ICE1: variants seen among roughly 807,000 people sequenced by gnomAD.
ICE1 encodes the protein interactor of little elongation complex ELL subunit 1.
ICE1 carries 64 observed loss-of-function variants against 192.7 expected under a neutral mutation model. The ratio of observed to expected loss-of-function variants is 0.33; its 90% confidence interval spans 0.27 to 0.41. The LOEUF is 0.41. Among genes scored for constraint, ICE1 ranks in the 10% least tolerant of loss-of-function variants. The probability of loss-of-function intolerance (pLI) is 1.00; values close to 1 mark genes in which losing one functional copy is unlikely to be tolerated. For missense variants in ICE1, 2,708 were observed against 2,696.0 expected (o/e 1.00, Z -0.10); for synonymous variants, 1,010 against 984.5 (o/e 1.03, Z -0.49).
rs780767498 is a variant in ICE1, at chr5:5,463,816, G to A, written c.4482G>A (p.Glu1494=). 6.2e-7 allele frequency: 1 copy of A among 1,613,994 alleles called. No homozygotes were observed. Among genetic ancestry groups the A allele is most frequent in the Non-Finnish European group, 8.5e-7 (1 of 1,179,880 alleles). ...GCAATAATCTTTCATGTCCCCAAGA[G>A]GATGTTTCAAGCAGTGGTCAGAGCA... The part of the protein sequence containing the change: ...PCGNNLSCPQ[E]DVSSSGQSTN... The change falls in exon 13 of 19, where the codon GAG becomes GAA. Residue 1494 remains glutamate, a synonymous_variant. Coordinates refer to ENST00000296564, the MANE Select transcript of ICE1 (RefSeq NM_015325.3).
Position 5,435,516 on chromosome 5 carries a change from A to G in ICE1, c.85-902A>G, listed in dbSNP as rs542714612. On this transcript the variant is annotated intron_variant, in intron 1 of 18. Coordinates refer to ENST00000296564, the MANE Select transcript of ICE1 (RefSeq NM_015325.3). ...GTCCTTATTTCTGAAGTATTTAGTGATGGAAAAAGGAGACATTAAAGGAAA... is the reference window on the plus strand; with the variant it reads ...GTCCTTATTTCTGAAGTATTTAGTGGTGGAAAAAGGAGACATTAAAGGAAA... 3.9e-5 allele frequency among the ~76,000 whole-genome samples: 6 copies of G among 152,270 alleles called. No homozygotes were observed. The East Asian group carries it at 7.7e-4, about 20-fold the overall frequency.
rs1739719294 is a variant in ICE1, at chr5:5,489,156, A to G, written c.6627A>G (p.Pro2209=). Residue 2209 remains proline (P), a synonymous_variant, in exon 19 of 19, where the codon CCA becomes CCG. Coordinates refer to ENST00000296564, the MANE Select transcript of ICE1 (RefSeq NM_015325.3). The stretch of plus-strand genomic sequence containing the variant: ...TCTGAAATTTCTTTTCAGATATACC[A>G]TGGGGTATACAGTTAGCAGCCGTGT... The part of the protein sequence containing the change: ...FIQHAHDEDI[P]WGIQLAAVYA... 1 of 1,613,162 alleles carries G rather than the reference A, an allele frequency of 6.2e-7. No homozygotes were observed. The highest frequency in any genetic ancestry group is 8.5e-7 in the Non-Finnish European group (1 of 1,179,450).
intron 17 of ICE1, among the ~76,000 whole-genome samples, chr5:5,478,397 T>A (rs554116135): frequency 3.9e-4 from 59 of 152,236 alleles, no homozygotes; most frequent in African/African-American, 1.4e-3. Flanking sequence ...GTAATAAAAC[T>A]TACAAGGGAT....
chr5:5,447,677 A>C, intron 8 of ICE1, 44 bp from the exon 9 acceptor site: 1 of 1,520,134 alleles, frequency 6.6e-7, no homozygotes, highest in South Asian at 1.2e-5. Context: ...GAATGGCTGC[A>C]CTTCTTATTC....
intron 1 of ICE1, among the ~76,000 whole-genome samples, chr5:5,427,601 T>C (rs1737563810): frequency 6.6e-6 from 1 of 152,232 alleles, no homozygotes; most frequent in Admixed American, 6.5e-5. Context: ...GTCCATAAAC[T>C]TGTGCTGGAC....
intron 1 of ICE1, among the ~76,000 whole-genome samples, chr5:5,428,437 A>G (rs1737593978): frequency 1.3e-5 from 2 of 152,210 alleles, no homozygotes; most frequent in Admixed American, 1.3e-4. Context: ...CAGCAAAGCA[A>G]TAAATGTGAG....
intron 15 of ICE1, among the ~76,000 whole-genome samples, chr5:5,471,560 A>C (rs1287637487): frequency 6.6e-6 from 1 of 152,162 alleles, no homozygotes; most frequent in Non-Finnish European, 1.5e-5. Flanking sequence ...AGGAGATTTC[A>C]GTATGTATTC....
intron 1 of ICE1, among the ~76,000 whole-genome samples, chr5:5,432,619 A>T (rs1006166630): frequency 6.6e-6 from 1 of 152,130 alleles, no homozygotes; most frequent in Non-Finnish European, 1.5e-5. Flanking sequence ...GCCCCATTTT[A>T]TATTCCCACC....
In ICE1 at chr5:5,485,063, C is replaced by G. The variant is rs80265025; in HGVS notation, c.6521-1658C>G. ...GGGGGGAATGATGCCATCCTGCTTGCTTTAGCCTTTGGGGAATTTGGTTGC... is the reference window on the plus strand; with the variant it reads ...GGGGGGAATGATGCCATCCTGCTTGGTTTAGCCTTTGGGGAATTTGGTTGC... On this transcript the variant is annotated intron_variant, in intron 17 of 18. Coordinates refer to ENST00000296564, the MANE Select transcript of ICE1 (RefSeq NM_015325.3). 2.5e-3 allele frequency among the ~76,000 whole-genome samples: 383 copies of G among 151,992 alleles called. 1 individual carries two copies. Among genetic ancestry groups the G allele is most frequent in the African/African-American group, 9.0e-3 (371 of 41,428 alleles).
At chr5:5,444,706 G>T (rs780630383) in intron 7 of ICE1, among the ~76,000 whole-genome samples, 37 of 152,090 alleles carry the variant, frequency 2.4e-4, no homozygotes, top group Non-Finnish European at 4.4e-4. Context: ...TTAGTACCAA[G>T]AAACATGTAT....
Position 5,461,712 on chromosome 5 carries a change from A to C in ICE1, c.2378A>C (p.His793Pro), listed in dbSNP as rs375759712. 7 of 1,613,774 alleles carry C rather than the reference A, an allele frequency of 4.3e-6. No individual in the cohort carries two copies. In the Admixed American group the frequency reaches 1.2e-4, roughly 27 times the overall value. ...LGFVKSTSWH[H>P]SDLLRKGGEE... ...TTTGTTAAAAGTACTTCATGGCACC[A>C]TAGTGATTTATTAAGGAAAGGTGGC... The change falls in exon 13 of 19, where the codon CAT (histidine) becomes CCT (proline). Residue 793 changes from histidine (H) to proline (P), a missense_variant. By Grantham distance (77) the His-to-Pro change is moderately conservative. This residue lies in a region of ICE1 where 2,366 missense variants were observed against 2,276.6 expected (regional missense o/e 1.04). Coordinates refer to ENST00000296564, the MANE Select transcript of ICE1 (RefSeq NM_015325.3).
intron 1 of ICE1, among the ~76,000 whole-genome samples, chr5:5,426,706 CAA>C (rs1052323344): frequency 3.3e-5 from 5 of 152,128 alleles, no homozygotes; most frequent in Admixed American, 2.0e-4. Flanking sequence ...CAGAGGGAAT[CAA>C]GAGTTCCAGA....
intron 15 of ICE1, among the ~76,000 whole-genome samples, chr5:5,472,507 T>C (rs564206560): frequency 7.2e-4 from 110 of 152,312 alleles, no homozygotes; most frequent in Non-Finnish European, 1.3e-3. Flanking sequence ...ATGTCAAAAT[T>C]TATTTCTGCA....
chr5:5,438,644 T>A (rs1737950183), intron 3 of ICE1, among the ~76,000 whole-genome samples: 1 of 152,168 alleles, frequency 6.6e-6, no homozygotes, highest in East Asian at 1.9e-4. Context: ...GTTCATTGTA[T>A]CATTCTTGGA....
chr5:5,434,635 A>C (rs1737818380), intron 1 of ICE1, among the ~76,000 whole-genome samples: 1 of 152,226 alleles, frequency 6.6e-6, no homozygotes, highest in Non-Finnish European at 1.5e-5. Context: ...TGGTAAAAAC[A>C]AATTAAGCTA....
Position 5,463,886 on chromosome 5 carries a change from A to G in ICE1, c.4552A>G (p.Ser1518Gly), listed in dbSNP as rs763910569. The G allele has an allele frequency of 5.0e-6, 8 of 1,613,886 alleles. No individual in the cohort carries two copies. The highest frequency in any genetic ancestry group is 1.7e-5 in the Admixed American group (1 of 59,996). The change falls in exon 13 of 19, where the codon AGT (serine) becomes GGT (glycine). Residue 1518 changes from serine to glycine, a missense_variant. By Grantham distance (56) the Ser-to-Gly change is moderately conservative. Transcript: ENST00000296564. ...TTTGCGAAATAGACCCGTTAAGCCT[A>G]GTATATGGATTAGTTCTCAAATCTA... is the stretch of plus-strand genomic sequence containing the variant. ...SRLRNRPVKP[S>G]IWISSQIYDQ...
Position 5,460,669 on chromosome 5 carries a change from C to T in ICE1, c.1335C>T (p.Phe445=), listed in dbSNP as rs768392308. Residue 445 remains phenylalanine, a synonymous_variant, in exon 13 of 19, where the codon TTC becomes TTT. Transcript: ENST00000296564. ...NKVTTSGLET[F]TATLRESSAT... is the part of the protein sequence containing the mutation. ...TGACAACTTCTGGACTCGAGACTTT[C>T]ACAGCAACACTGAGAGAATCTTCTG... The T allele has an allele frequency of 6.2e-7, 1 of 1,613,948 alleles. No homozygotes were observed. Among genetic ancestry groups the T allele is most frequent in the East Asian group, 2.2e-5 (1 of 44,884 alleles).
intron 1 of ICE1, among the ~76,000 whole-genome samples, chr5:5,429,728 C>T (rs895271935): frequency 5.3e-5 from 8 of 152,228 alleles, no homozygotes; most frequent in African/African-American, 1.9e-4. Context: ...TGCCTGCTAG[C>T]TTGCTCCTTG....
intron 18 of ICE1, among the ~76,000 whole-genome samples, chr5:5,488,503 T>C (rs866842658): frequency 6.6e-6 from 1 of 152,208 alleles, no homozygotes. Flanking sequence ...AGGAATACAG[T>C]GCAACCTCCA....
Sources: gnomAD v4.1 joint callset for allele counts (sites outside exome capture counted in the v4.1 genomes callset) on GRCh38, gnomAD v4.1.1 for gene constraint, gnomAD v4.1.1 regional missense constraint, MANE v1.5 for transcripts, NCBI Gene and HGNC (gene_info 2026-07-23, HGNC 2026-07-21) for gene names.